TEX26: variants seen among roughly 807,000 people sequenced by gnomAD.
TEX26 encodes testis-expressed protein 26.
TEX26 carries 34 observed loss-of-function variants against 35.3 expected under a neutral mutation model. The ratio of observed to expected loss-of-function variants is 0.96; its 90% CI spans 0.73 to 1.28. The LOEUF is 1.28. Ranked by LOEUF, TEX26 falls within the 50% of genes most tolerant of loss-of-function variation. The pLI is 0.00. For missense variants in TEX26, 371 were observed against 330.1 expected, an observed-to-expected ratio of 1.12 and a Z score of -0.96; for synonymous variants, 136 against 111.8, an observed-to-expected ratio of 1.22 and a Z score of -1.36.
At chr13:30,963,271 A>G (rs1010216650) in intron 4 of TEX26, among the ~76,000 whole-genome samples, 2 of 152,186 alleles carry the variant, frequency 1.3e-5, no homozygotes, top group African/African-American at 4.8e-5. Context: ...AAAGAAACCC[A>G]GGGAGCTGAG....
chr13:30,958,148 G>A (rs1464523776), intron 4 of TEX26, among the ~76,000 whole-genome samples: 1 of 152,130 alleles, frequency 6.6e-6, no homozygotes, highest in African/African-American at 2.4e-5. Flanking sequence ...CTGTGGCTGG[G>A]AACACCTTTG....
At chr13:30,953,480 T>A (rs1954007857) in intron 3 of TEX26, among the ~76,000 whole-genome samples, 1 of 152,248 alleles carries the variant, frequency 6.6e-6, no homozygotes, top group African/African-American at 2.4e-5. Flanking sequence ...AACCACAGTT[T>A]GTCTGTGTGT....
At chr13:30,967,367 C>T (rs552033381) in intron 5 of TEX26, among the ~76,000 whole-genome samples, 2 of 152,304 alleles carry the variant, frequency 1.3e-5, no homozygotes, top group African/African-American at 4.8e-5. Context: ...GGTGACAGTG[C>T]CCCTGTGTAT....
chr13:30,969,673 C>G (rs1262843242), intron 6 of TEX26, among the ~76,000 whole-genome samples: 6 of 152,192 alleles, frequency 3.9e-5, no homozygotes, highest in Admixed American at 3.9e-4. Flanking sequence ...CTTCCTGCAG[C>G]TGCCTCTCAG....
chr13:30,940,026 G>T (rs1270097181), intron 2 of TEX26, among the ~76,000 whole-genome samples: 1 of 152,000 alleles, frequency 6.6e-6, no homozygotes, highest in African/African-American at 2.4e-5. Context: ...CCTGTATATT[G>T]TGGTTTACAG....
chr13:30,940,690 A>G (rs951651747), intron 2 of TEX26, among the ~76,000 whole-genome samples: 2 of 152,206 alleles, frequency 1.3e-5, no homozygotes, highest in East Asian at 3.9e-4. Context: ...GAGAGCCTTC[A>G]ATTATCATCT....
chr13:30,956,248 G>A (rs1439208281), intron 3 of TEX26, among the ~76,000 whole-genome samples: 10 of 142,612 alleles, frequency 7.0e-5, no homozygotes, highest in African/African-American at 2.6e-4. Context: ...TCCCACCTAT[G>A]AGTGAGAACA....
intron 2 of TEX26, among the ~76,000 whole-genome samples, chr13:30,948,905 A>G (rs1953816833): frequency 6.6e-6 from 1 of 152,136 alleles, no homozygotes; most frequent in Non-Finnish European, 1.5e-5. Context: ...TCCATCTTGA[A>G]TTAATTTTTG....
At chr13:30,939,297 CTG>C (rs1953388957) in intron 1 of TEX26, among the ~76,000 whole-genome samples, 1 of 152,124 alleles carries the variant, frequency 6.6e-6, no homozygotes, top group Non-Finnish European at 1.5e-5. Flanking sequence ...TAATATGATC[CTG>C]TGTGTGTAAA....
chr13:30,974,822 C>T, intron 6 of TEX26, 24 bp from the exon 7 acceptor site: 1 of 1,539,328 alleles, frequency 6.5e-7, no homozygotes, highest in Non-Finnish European at 8.7e-7. Flanking sequence ...AAATTTTCAT[C>T]CTGTTTTTCT....
chr13:30,939,522 C>A (rs781770730), intron 1 of TEX26, among the ~76,000 whole-genome samples, 172 bp from the exon 2 acceptor site: 1 of 152,142 alleles, frequency 6.6e-6, no homozygotes, highest in African/African-American at 2.4e-5. Context: ...ACAGATAAGT[C>A]GAACTTCCTC....
intron 3 of TEX26, among the ~76,000 whole-genome samples, chr13:30,955,579 G>A (rs188686506): frequency 6.6e-6 from 1 of 152,316 alleles, no homozygotes; most frequent in Admixed American, 6.5e-5. Context: ...GAAGAATTTT[G>A]GTGCAAAGGG....
chr13:30,966,277 C>G lies in TEX26; in HGVS notation c.525C>G (p.Pro175=). ...CTCTGGAATGGAAAAAGTTACTTCC[C>G]CAACCTCCAGACACTGAATTCCGAA... ...HLSLEWKKLL[P]QPPDTEFRRN... The change falls in exon 5 of 7, where the codon CCC becomes CCG. Residue 175 remains proline, a synonymous_variant. Transcript: ENST00000380473. 1 of 1,614,048 alleles carries G rather than the reference C, an allele frequency of 6.2e-7. No individual in the cohort carries two copies.
At chr13:30,964,666 A>G (rs959545320) in intron 4 of TEX26, among the ~76,000 whole-genome samples, 8 of 152,328 alleles carry the variant, frequency 5.3e-5, no homozygotes, top group African/African-American at 1.4e-4. Flanking sequence ...TCTATGATGA[A>G]ATAAATTTAT....
intron 4 of TEX26, among the ~76,000 whole-genome samples, chr13:30,961,469 G>A (rs1345447622): frequency 6.6e-6 from 1 of 152,190 alleles, no homozygotes; most frequent in Non-Finnish European, 1.5e-5. Context: ...ATTCCCTGCT[G>A]CAGTCATCTA....
chr13:30,948,241 T>C (rs1342430078), intron 2 of TEX26, among the ~76,000 whole-genome samples: 4 of 152,216 alleles, frequency 2.6e-5, no homozygotes, highest in African/African-American at 7.2e-5. Context: ...TTACAATCCT[T>C]TGGGTACATA....
At chr13:30,948,813 G>A (rs1211608208) in intron 2 of TEX26, among the ~76,000 whole-genome samples, 2 of 152,190 alleles carry the variant, frequency 1.3e-5, no homozygotes, top group Admixed American at 6.5e-5. Flanking sequence ...GAAGTCCTTG[G>A]CCATGTCTAT....
intron 2 of TEX26, among the ~76,000 whole-genome samples, chr13:30,944,865 A>G (rs933632090): frequency 7.9e-5 from 12 of 151,962 alleles, no homozygotes; most frequent in African/African-American, 2.7e-4. Flanking sequence ...GGCCTATTGT[A>G]TGGTCTATAT....
At chr13:30,956,535 T>C (rs1321824794) in intron 3 of TEX26, among the ~76,000 whole-genome samples, 1 of 152,208 alleles carries the variant, frequency 6.6e-6, no homozygotes, top group Admixed American at 6.5e-5. Context: ...AAGCAGCTAC[T>C]GCCTGTGCTC....
Sources: gnomAD v4.1 joint callset for allele counts (sites outside exome capture counted in the v4.1 genomes callset) on GRCh38, gnomAD v4.1.1 for gene constraint, MANE v1.5 for transcripts, NCBI Gene and HGNC (gene_info 2026-07-23, HGNC 2026-07-21) for gene names.